SND1: variants seen among roughly 807,000 people sequenced by gnomAD.
SND1 encodes the protein staphylococcal nuclease and tudor domain containing 1, also known as staphylococcal nuclease domain-containing protein 1.
Under a neutral mutation model 121.7 loss-of-function variants are expected in SND1, and 38 were observed. The ratio of observed to expected loss-of-function variants is 0.31; its 90% CI spans 0.24 to 0.41. The LOEUF (loss-of-function observed/expected upper bound fraction) is 0.41, where lower values mean the gene tolerates loss of function less well. Among genes scored for constraint, SND1 ranks in the 10% least tolerant of loss-of-function variants. The pLI, the probability that SND1 is intolerant of heterozygous loss-of-function variation, is 1.00. For synonymous variants in SND1, 401 were observed against 447.4 expected, an observed-to-expected ratio of 0.90 and a Z score of 1.31; for missense variants, 868 against 1,184.6, an observed-to-expected ratio of 0.73 and a Z score of 3.92.
At chr7:127,815,715 A>G (rs530690754) in intron 11 of SND1, among the ~76,000 whole-genome samples, 1 of 152,224 alleles carries the variant, frequency 6.6e-6, no homozygotes, top group East Asian at 1.9e-4. Context: ...TCCTGCCTAC[A>G]CCTTGATTTT....
chr7:127,678,900 C>T (rs1478708823), intron 1 of SND1: 2 of 152,322 alleles, frequency 1.3e-5, no homozygotes, highest in East Asian at 1.9e-4. Context: ...CCTCTTTTTA[C>T]AGTAGCTCCT....
intron 18 of SND1, among the ~76,000 whole-genome samples, chr7:128,083,966 A>G (rs760177640): frequency 6.6e-6 from 1 of 152,192 alleles, no homozygotes; most frequent in Non-Finnish European, 1.5e-5. Flanking sequence ...CCACTGACCC[A>G]AGGTCAGAGT....
At chr7:127,844,485 C>G in intron 12 of SND1, 61 bp downstream of exon 12, 1 of 1,297,740 alleles carries the variant, frequency 7.7e-7, no homozygotes, top group Non-Finnish European at 1.1e-6. Flanking sequence ...GTTCTTTGCT[C>G]ATTTGAATCT....
At chr7:127,852,210 T>C (rs567236137) in intron 12 of SND1, among the ~76,000 whole-genome samples, 1 of 150,742 alleles carries the variant, frequency 6.6e-6, no homozygotes, top group Non-Finnish European at 1.5e-5. Flanking sequence ...ATAAAAAAAA[T>C]AATCCTGGGC....
intron 15 of SND1, among the ~76,000 whole-genome samples, chr7:127,954,750 C>A (rs149067592): frequency 6.6e-6 from 1 of 152,236 alleles, no homozygotes; most frequent in East Asian, 1.9e-4. Flanking sequence ...GAGCCAGTTG[C>A]TTGTTTAGGA....
At chr7:127,789,920 T>C (rs958909509) in intron 10 of SND1, among the ~76,000 whole-genome samples, 2 of 152,238 alleles carry the variant, frequency 1.3e-5, no homozygotes, top group Non-Finnish European at 2.9e-5. Flanking sequence ...AATATTTGTA[T>C]TTTTAAATTA....
chr7:127,887,121 G>C (rs1799924338), intron 12 of SND1, among the ~76,000 whole-genome samples: 2 of 151,844 alleles, frequency 1.3e-5, no homozygotes, highest in South Asian at 4.1e-4. Context: ...AGCATTCCAA[G>C]TAGCTGGAAC....
rs77983804 is a variant in SND1, at chr7:127,820,085, C to T, written c.1242+12512C>T. ...TCTTTCTCCACCTCTGCTTATGTTA[C>T]CAGGTTAGGGTCAAAGCAGATCTTT... On this transcript the variant is annotated intron_variant, in intron 11 of 23. Coordinates refer to ENST00000354725, the MANE Select transcript of SND1 (RefSeq NM_014390.4). Among the ~76,000 whole-genome samples, 211 of 152,288 alleles carry T rather than the reference C, an allele frequency of 1.4e-3. 8 individuals carry two copies. In the East Asian group the frequency reaches 0.038, roughly 28 times the overall value.
At chr7:127,715,159 G>C (rs1185607626) in intron 9 of SND1, among the ~76,000 whole-genome samples, 1 of 30,226 alleles carries the variant, frequency 3.3e-5, no homozygotes, top group Non-Finnish European at 9.7e-5. Flanking sequence ...GTTTTTTTTG[G>C]TTTTGTTTTT....
At chr7:127,666,177 GC>G (rs771884568) in intron 1 of SND1, among the ~76,000 whole-genome samples, 21 of 152,226 alleles carry the variant, frequency 1.4e-4, no homozygotes, top group Non-Finnish European at 2.2e-4. Flanking sequence ...TCCTGGCTAA[GC>G]CTGCCCTGCC....
intron 20 of SND1, chr7:128,086,635 T>G: frequency 2.3e-6 from 1 of 429,476 alleles, no homozygotes; most frequent in East Asian, 5.3e-5. Flanking sequence ...AGAAGGGCAT[T>G]GGGAGGAAAT....
chr7:127,844,485 C>T (rs1346900421), intron 12 of SND1, 61 bp downstream of exon 12: 3 of 1,297,740 alleles, frequency 2.3e-6, no homozygotes, highest in South Asian at 1.3e-5. Flanking sequence ...GTTCTTTGCT[C>T]ATTTGAATCT....
chr7:127,652,675 T>G (rs550112274), intron 1 of SND1, among the ~76,000 whole-genome samples: 2 of 152,346 alleles, frequency 1.3e-5, no homozygotes, highest in South Asian at 4.1e-4. Context: ...CACAGTGATT[T>G]CCGAGGTTGC....
chr7:127,956,272 A>C (rs942820998), intron 15 of SND1, among the ~76,000 whole-genome samples: 1 of 152,096 alleles, frequency 6.6e-6, no homozygotes, highest in East Asian at 1.9e-4. Context: ...TCCTTGCTCT[A>C]TGACCATACC....
At chr7:127,719,167 C>A (rs1796445136) in intron 9 of SND1, among the ~76,000 whole-genome samples, 1 of 152,144 alleles carries the variant, frequency 6.6e-6, no homozygotes, top group African/African-American at 2.4e-5. Flanking sequence ...TTTATAATAT[C>A]TTTCCCTTCA....
intron 12 of SND1, among the ~76,000 whole-genome samples, chr7:127,861,676 A>G (rs1237597827): frequency 6.6e-6 from 1 of 152,166 alleles, no homozygotes; most frequent in Non-Finnish European, 1.5e-5. Flanking sequence ...GGGTTTCGCC[A>G]TGTTGGCCAG....
At chr7:127,798,522 T>C (rs1798067637) in intron 10 of SND1, among the ~76,000 whole-genome samples, 2 of 152,232 alleles carry the variant, frequency 1.3e-5, no homozygotes, top group Non-Finnish European at 2.9e-5. Context: ...TGGTGTCTTA[T>C]TTGTATAGAA....
Position 127,919,662 on chromosome 7 carries a change from G to A in SND1, c.1528-9526G>A, listed in dbSNP as rs141734580. Among the ~76,000 whole-genome samples the A allele has an allele frequency of 1.3e-3, 200 of 152,014 alleles. 1 individual carries two copies. The highest frequency in any genetic ancestry group is 2.1e-3 in the Non-Finnish European group (144 of 67,982). Reference sequence around the variant, plus strand: ...CATGTGTAAGCTATGTTTTTAGCCCGGTCTCATGTCTCAATTCTGAAAATG... The same window carrying A: ...CATGTGTAAGCTATGTTTTTAGCCCAGTCTCATGTCTCAATTCTGAAAATG... On this transcript the variant is annotated intron_variant, in intron 14 of 23. Transcript: ENST00000354725.
At chr7:127,954,608 AG>A (rs1801551607) in intron 15 of SND1, among the ~76,000 whole-genome samples, 1 of 152,190 alleles carries the variant, frequency 6.6e-6, no homozygotes, top group African/African-American at 2.4e-5. Flanking sequence ...TGTTGGCAGA[AG>A]TTAGGATCTG....
Sources: gnomAD v4.1 joint callset for allele counts (sites outside exome capture counted in the v4.1 genomes callset) on GRCh38, gnomAD v4.1.1 for gene constraint, MANE v1.5 for transcripts, NCBI Gene and HGNC (gene_info 2026-07-23, HGNC 2026-07-21) for gene names.